CCSER1: variants seen among roughly 807,000 people sequenced by gnomAD.
CCSER1 encodes the protein serine-rich coiled-coil domain-containing protein 1.
CCSER1 carries 41 observed loss-of-function variants against 82.0 expected under a neutral mutation model. The ratio of observed to expected loss-of-function variants is 0.50; its 90% CI spans 0.39 to 0.65. The LOEUF (loss-of-function observed/expected upper bound fraction) is 0.65, where lower values mean the gene tolerates loss of function less well. Among genes scored for constraint, CCSER1 ranks in the 30% least tolerant of loss-of-function variants. The pLI is 0.00. For synonymous variants in CCSER1, 414 were observed against 383.9 expected, an observed-to-expected ratio of 1.08 and a Z score of -0.92; for missense variants, 1,119 against 1,064.2, an observed-to-expected ratio of 1.05 and a Z score of -0.72.
intron 10 of CCSER1, among the ~76,000 whole-genome samples, chr4:91,317,443 T>C (rs182466412): frequency 6.6e-5 from 10 of 152,068 alleles, no homozygotes; most frequent in Non-Finnish European, 1.3e-4. Flanking sequence ...ACCCTCCCCA[T>C]TCTCTTTCAC....
At chr4:90,811,906 TATATACACACAC>T (rs1181370765) in intron 7 of CCSER1, among the ~76,000 whole-genome samples, 1 of 76,288 alleles carries the variant, frequency 1.3e-5, no homozygotes, top group Non-Finnish European at 2.9e-5. Context: ...ATGGAATATA[TATATACACACAC>T]ACACACACAC....
intron 8 of CCSER1, among the ~76,000 whole-genome samples, chr4:90,858,131 T>G (rs1299238698): frequency 6.6e-6 from 1 of 152,084 alleles, no homozygotes; most frequent in African/African-American, 2.4e-5. Context: ...TGAGCCCCAT[T>G]TCTAGCTTAT....
intron 8 of CCSER1, among the ~76,000 whole-genome samples, chr4:90,816,260 A>G (rs1758995998): frequency 6.6e-6 from 1 of 152,192 alleles, no homozygotes; most frequent in African/African-American, 2.4e-5. Flanking sequence ...TTACTTTTAT[A>G]AAGCCATCAA....
At chr4:90,286,855 G>A (rs370368152) in intron 1 of CCSER1, among the ~76,000 whole-genome samples, 1 of 151,954 alleles carries the variant, frequency 6.6e-6, no homozygotes, top group Non-Finnish European at 1.5e-5. Flanking sequence ...CCTGTGGCCT[G>A]TCTTCATGAC....
intron 1 of CCSER1, among the ~76,000 whole-genome samples, chr4:90,171,133 C>T (rs1731585593): frequency 6.6e-6 from 1 of 150,400 alleles, no homozygotes; most frequent in Non-Finnish European, 1.5e-5. Flanking sequence ...TAATATGTAT[C>T]CCCAAAAATT....
At chr4:91,424,180 CTAAT>C (rs1197925661) in intron 10 of CCSER1, among the ~76,000 whole-genome samples, 1 of 150,950 alleles carries the variant, frequency 6.6e-6, no homozygotes, top group African/African-American at 2.4e-5. Flanking sequence ...CCGCGCCCGG[CTAAT>C]TTTTTTGTAT....
chr4:91,210,432 A>T (rs1736717857), intron 10 of CCSER1, among the ~76,000 whole-genome samples: 1 of 151,558 alleles, frequency 6.6e-6, no homozygotes, highest in Admixed American at 6.6e-5. Flanking sequence ...GACAATTAAT[A>T]AAAAAAGAGT....
chr4:90,517,089 G>A (rs995095807), intron 5 of CCSER1, among the ~76,000 whole-genome samples: 1 of 152,072 alleles, frequency 6.6e-6, no homozygotes, highest in African/African-American at 2.4e-5. Context: ...TCATAGCTTA[G>A]CCTAGCCTAC....
At chr4:90,341,269 A>G (rs112929333) in intron 3 of CCSER1, among the ~76,000 whole-genome samples, 20 of 152,190 alleles carry the variant, frequency 1.3e-4, no homozygotes, top group African/African-American at 4.6e-4. Flanking sequence ...TGAAGTGCTT[A>G]GCTCTGTGAT....
At chr4:90,139,716 G>A (rs1724381181) in intron 1 of CCSER1, among the ~76,000 whole-genome samples, 1 of 152,124 alleles carries the variant, frequency 6.6e-6, no homozygotes. Context: ...ACTTTGGAAG[G>A]CGGATGCGGG....
chr4:90,341,936 G>A (rs1023794836), intron 3 of CCSER1, among the ~76,000 whole-genome samples: 2 of 152,062 alleles, frequency 1.3e-5, no homozygotes, highest in African/African-American at 2.4e-5. Flanking sequence ...GTAAATATAA[G>A]CTTTAGAATG....
chr4:91,349,501 T>C lies in CCSER1; in HGVS notation c.2218-249071T>C, dbSNP rs1012500010. On this transcript the variant is annotated intron_variant, in intron 10 of 10. Coordinates refer to ENST00000509176, the MANE Select transcript of CCSER1 (RefSeq NM_001145065.2). Reference sequence around the variant, plus strand: ...CTTCTGTTACTGAGCCTGTGCACCTTATAGAAGTCAATAACCCTTAAAGGG... The same window carrying C: ...CTTCTGTTACTGAGCCTGTGCACCTCATAGAAGTCAATAACCCTTAAAGGG... 2.0e-5 allele frequency among the ~76,000 whole-genome samples: 3 copies of C among 152,170 alleles called. No individual in the cohort carries two copies. In the East Asian group the frequency reaches 5.8e-4, roughly 29 times the overall value.
chr4:90,576,906 T>G (rs952945367), intron 5 of CCSER1, among the ~76,000 whole-genome samples: 1 of 152,146 alleles, frequency 6.6e-6, no homozygotes, highest in African/African-American at 2.4e-5. Flanking sequence ...AATTGCTAGA[T>G]CATATAGTAA....
intron 5 of CCSER1, among the ~76,000 whole-genome samples, chr4:90,567,306 G>A (rs1187523583): frequency 1.6e-5 from 2 of 128,218 alleles, no homozygotes; most frequent in African/African-American, 6.9e-5. Context: ...TTTGTCTCTG[G>A]ATTTTTTTTT....
chr4:91,277,675 ATTTTG>A (rs1239522174), intron 10 of CCSER1, among the ~76,000 whole-genome samples: 1 of 149,906 alleles, frequency 6.7e-6, no homozygotes, highest in Admixed American at 6.7e-5. Flanking sequence ...TTGAGTCTCA[ATTTTG>A]TTTAGTTCTG....
intron 9 of CCSER1, among the ~76,000 whole-genome samples, chr4:90,958,233 A>C (rs1733716467): frequency 6.6e-6 from 1 of 152,216 alleles, no homozygotes; most frequent in Non-Finnish European, 1.5e-5. Flanking sequence ...AGGGCAATGT[A>C]ACTAGGTCGT....
intron 1 of CCSER1, among the ~76,000 whole-genome samples, chr4:90,289,017 C>T (rs575440643): frequency 6.6e-6 from 1 of 151,946 alleles, no homozygotes; most frequent in Middle Eastern, 3.4e-3. Context: ...GCCATTCTCC[C>T]CTTTCCTTCC....
intron 10 of CCSER1, among the ~76,000 whole-genome samples, chr4:91,177,078 A>T (rs182517880): frequency 5.3e-5 from 8 of 152,252 alleles, no homozygotes; most frequent in Admixed American, 3.9e-4. Flanking sequence ...TGAGATAATC[A>T]TGTGGTTTTT....
intron 10 of CCSER1, among the ~76,000 whole-genome samples, chr4:91,438,236 T>C (rs932133499): frequency 3.3e-5 from 5 of 152,216 alleles, no homozygotes; most frequent in African/African-American, 4.8e-5. Flanking sequence ...CACCCCCCAG[T>C]AGGGGCAGAC....
Sources: allele counts gnomAD v4.1 joint callset (sites outside exome capture counted in the v4.1 genomes callset), GRCh38; gene constraint gnomAD v4.1.1; transcripts MANE v1.5; gene names NCBI Gene and HGNC (gene_info 2026-07-23, HGNC 2026-07-21).